Variants in PCDHGA10 observed in about 807,000 individuals in gnomAD.
PCDHGA10 encodes protocadherin gamma-A10.
Under a neutral mutation model 59.5 loss-of-function variants are expected in PCDHGA10, and 42 were observed. That is an observed-to-expected ratio of 0.71 (90% confidence interval 0.55 to 0.91). PCDHGA10 has a LOEUF of 0.91. PCDHGA10 is among the 40% of genes least tolerant of loss of function. PCDHGA10 has a pLI of 0.00. For synonymous variants in PCDHGA10, 511 were observed against 517.2 expected (o/e 0.99, Z 0.16); for missense variants, 1,111 against 1,198.2 (o/e 0.93, Z 1.07).
intron 2 of PCDHGA10, among the ~76,000 whole-genome samples, chr5:141,499,983 C>T (rs765029745): frequency 5.3e-5 from 8 of 151,352 alleles, no homozygotes; most frequent in African/African-American, 9.7e-5. Context: ...CCACCTTGCC[C>T]GGCCAGATGA....
chr5:141,414,643 C>G lies in PCDHGA10; in HGVS notation c.1468C>G (p.Gln490Glu), dbSNP rs765652709. The G allele has an allele frequency of 1.2e-6, 2 of 1,613,942 alleles. No individual in the cohort carries two copies. Among genetic ancestry groups the G allele is most frequent in the Non-Finnish European group, 8.5e-7 (1 of 1,179,878 alleles). Reference protein sequence around the residue: ...ALDPDSKENAQIIYSLAEDTI... With the variant: ...ALDPDSKENAEIIYSLAEDTI... ...GGACCCGGACAGCAAAGAGAATGCC[C>G]AGATTATTTACTCCCTGGCTGAAGA... The change falls in exon 1 of 4, where the codon CAG becomes GAG. Residue 490 changes from glutamine (Q) to glutamate (E), a missense_variant. By Grantham distance (29) the Gln-to-Glu change is conservative. Coordinates refer to ENST00000398610, the MANE Select transcript of PCDHGA10 (RefSeq NM_018913.3).
At chr5:141,444,059 T>C (rs2098415588) in intron 1 of PCDHGA10, among the ~76,000 whole-genome samples, 1 of 150,620 alleles carries the variant, frequency 6.6e-6, no homozygotes, top group Admixed American at 6.6e-5. Flanking sequence ...ATCTTCAATC[T>C]AGATTCTGAT....
chr5:141,428,609 A>G, intron 1 of PCDHGA10: 1 of 215,052 alleles, frequency 4.7e-6, no homozygotes, highest in South Asian at 7.9e-5. Context: ...ACTGAAGAGA[A>G]TAACAAGATA....
chr5:141,506,216 T>A (rs2237080), intron 3 of PCDHGA10, among the ~76,000 whole-genome samples: 78,167 of 151,604 alleles, frequency 0.52, 20,820 homozygotes, highest in African/African-American at 0.63. Flanking sequence ...TTTGGGAAGC[T>A]GAGGCAGGAG....
chr5:141,448,851 A>T (rs1374003271), intron 1 of PCDHGA10, among the ~76,000 whole-genome samples: 1 of 152,124 alleles, frequency 6.6e-6, no homozygotes, highest in Admixed American at 6.5e-5. Context: ...AGGCTGAGGC[A>T]GGAGAATGGC....
At position 141,476,903 on chromosome 5, in the gene PCDHGA10, G is replaced by C; in HGVS notation, c.2437-17904G>C. On this transcript the variant is annotated intron_variant, in intron 1 of 3. Transcript: ENST00000398610. The surrounding 1 kb of genome is among the most constrained non-coding windows in gnomAD (Gnocchi z 7.6). Reference sequence around the variant, plus strand: ...GGAGGATGCACCCTCCGGCACGCGCGTGGTACAAGTCCTTGCAACGGATCT... The same window carrying C: ...GGAGGATGCACCCTCCGGCACGCGCCTGGTACAAGTCCTTGCAACGGATCT... The C allele has an allele frequency of 1.2e-6, 2 of 1,614,018 alleles. No individual in the cohort carries two copies. Among genetic ancestry groups the C allele is most frequent in the Non-Finnish European group, 1.7e-6 (2 of 1,180,044 alleles).
rs1004061582 is a variant in PCDHGA10, at chr5:141,477,406, A to C, written c.2437-17401A>C. ...AATACAACCTCAGCATCACCGCCCG[A>C]GACGCCGGAACCCCTTCCCTCTCAG... On this transcript the variant is annotated intron_variant, in intron 1 of 3. Transcript: ENST00000398610. The surrounding 1 kb of genome is among the most constrained non-coding windows in gnomAD (Gnocchi z 4.9). 6.2e-7 allele frequency: 1 copy of C among 1,614,036 alleles called. No homozygotes were observed. Among genetic ancestry groups the C allele is most frequent in the Admixed American group, 1.7e-5 (1 of 59,994 alleles).
Position 141,430,964 on chromosome 5 carries a change from A to G in PCDHGA10, c.2436+15353A>G, listed in dbSNP as rs547574367. The G allele has an allele frequency of 7.3e-5, 117 of 1,612,860 alleles. No homozygotes were observed. The South Asian group carries it at 1.2e-3, about 17-fold the overall frequency. On this transcript the variant is annotated intron_variant, in intron 1 of 3. Coordinates refer to ENST00000398610, the MANE Select transcript of PCDHGA10 (RefSeq NM_018913.3). The stretch of plus-strand genomic sequence containing the variant: ...GGAGCGCGGAGTCCGCATCATCCCC[A>G]GAGGTAGGACGCAGCTTTTCGCCCT...
Position 141,486,294 on chromosome 5 carries a change from T to C in PCDHGA10, c.2437-8513T>C, listed in dbSNP as rs764106041. The C allele has an allele frequency of 1.2e-6, 2 of 1,614,036 alleles. No homozygotes were observed. The highest frequency in any genetic ancestry group is 1.7e-6 in the Non-Finnish European group (2 of 1,179,998). On this transcript the variant is annotated intron_variant, in intron 1 of 3. Transcript: ENST00000398610. The surrounding 1 kb of genome is among the most constrained non-coding windows in gnomAD (Gnocchi z 5.0). ...GGCACTGTGGTGGCACTTATCAGTG[T>C]GCAGGATCCAGACTCAGGGTCAAAC...
In PCDHGA10 at chr5:141,414,066, A is replaced by G; in HGVS notation, c.891A>G (p.Gln297=). ...KLPDTQLLKF[Q]LNKYTGEIKI... ...CTGACACGCAATTGTTGAAGTTCCA[A>G]CTAAACAAATATACTGGAGAAATAA... Residue 297 remains glutamine, a synonymous_variant, in exon 1 of 4, where the codon CAA becomes CAG. Transcript: ENST00000398610. The G allele has an allele frequency of 1.2e-6, 2 of 1,608,358 alleles. No individual in the cohort carries two copies. The highest frequency in any genetic ancestry group is 1.3e-5 in the African/African-American group (1 of 74,914).
chr5:141,455,055 G>T (rs1019622889), intron 1 of PCDHGA10, among the ~76,000 whole-genome samples: 1 of 151,602 alleles, frequency 6.6e-6, no homozygotes, highest in African/African-American at 2.4e-5. Flanking sequence ...CTCGTGATCC[G>T]CCCGCCTCGG....
At chr5:141,418,935 A>T (rs1424307952) in intron 1 of PCDHGA10, 2 of 1,613,834 alleles carry the variant, frequency 1.2e-6, no homozygotes, top group Admixed American at 3.3e-5. Context: ...ATTATGGAGG[A>T]TTCCCCTCCA....
At position 141,422,501 on chromosome 5, in the gene PCDHGA10, C is replaced by T. The variant is rs1343881573; in HGVS notation, c.2436+6890C>T. On this transcript the variant is annotated intron_variant, in intron 1 of 3. Coordinates refer to ENST00000398610, the MANE Select transcript of PCDHGA10 (RefSeq NM_018913.3). ...CAGAGCTACAATATAACGTTGACAGCCACAGACCAGGGAAGCCCGCCTTTG... is the reference window on the plus strand; with the variant it reads ...CAGAGCTACAATATAACGTTGACAGTCACAGACCAGGGAAGCCCGCCTTTG... 9.3e-6 allele frequency: 15 copies of T among 1,613,810 alleles called. No individual in the cohort carries two copies. The highest frequency in any genetic ancestry group is 1.3e-5 in the Non-Finnish European group (15 of 1,179,872).
chr5:141,497,312 G>A (rs940721317), intron 2 of PCDHGA10, among the ~76,000 whole-genome samples: 7 of 152,038 alleles, frequency 4.6e-5, no homozygotes, highest in African/African-American at 1.7e-4. Flanking sequence ...CCATACACTG[G>A]CTTTGAAGCA....
Position 141,489,999 on chromosome 5 carries a change from GA to G in PCDHGA10, c.2437-4806del. On this transcript the variant is annotated intron_variant, in intron 1 of 3. Transcript: ENST00000398610. The surrounding 1 kb of genome is among the most constrained non-coding windows in gnomAD (Gnocchi z 4.5). ...CAGTTCTACGTGTGGGAATCCCAGA[GA>G]ATGCACCCATTGGTACTCTGCTGCT... 1 of 1,614,242 alleles carries G rather than the reference GA, an allele frequency of 6.2e-7. No individual in the cohort carries two copies. Among genetic ancestry groups the G allele is most frequent in the Non-Finnish European group, 8.5e-7 (1 of 1,180,032 alleles).
At chr5:141,475,583 G>A (rs1181419200) in intron 1 of PCDHGA10, among the ~76,000 whole-genome samples, 1 of 152,198 alleles carries the variant, frequency 6.6e-6, no homozygotes, top group Non-Finnish European at 1.5e-5. Context: ...CAGATTTGTT[G>A]GTGTTTTTCC....
Position 141,446,243 on chromosome 5 carries a change from C to T in PCDHGA10, c.2436+30632C>T, listed in dbSNP as rs552551215. Among the ~76,000 whole-genome samples, 23 of 152,096 alleles carry T rather than the reference C, an allele frequency of 1.5e-4. 1 individual carries two copies. The South Asian group carries it at 4.6e-3, about 30-fold the overall frequency. On this transcript the variant is annotated intron_variant, in intron 1 of 3. Coordinates refer to ENST00000398610, the MANE Select transcript of PCDHGA10 (RefSeq NM_018913.3). ...TTGTGTTGCCTGGCAAGTGGTAGAT[C>T]TTCAGTGAAATATTATTAACTGAAT...
chr5:141,452,749 G>A (rs1453824335), intron 1 of PCDHGA10, among the ~76,000 whole-genome samples: 1 of 152,052 alleles, frequency 6.6e-6, no homozygotes, highest in African/African-American at 2.4e-5. Flanking sequence ...AGAGAAGGAA[G>A]AAGGAAGGGA....
chr5:141,418,277 T>G, intron 1 of PCDHGA10: 2 of 1,614,026 alleles, frequency 1.2e-6, no homozygotes, highest in Non-Finnish European at 1.7e-6. Flanking sequence ...TGAAATAAAC[T>G]TAGAAATCAG....
Sources: allele counts gnomAD v4.1 joint callset (sites outside exome capture counted in the v4.1 genomes callset), GRCh38; gene constraint gnomAD v4.1.1; non-coding constraint Gnocchi (gnomAD v3.1); transcripts MANE v1.5; gene names NCBI Gene and HGNC (gene_info 2026-07-23, HGNC 2026-07-21).